The following ACACB variants were observed in gnomAD, a reference collection of about 807,000 sequenced individuals.
The protein encoded by ACACB is acetyl-CoA carboxylase beta, also known as acetyl-CoA carboxylase 2.
ACACB carries 209 observed loss-of-function variants against 278.8 expected under a neutral mutation model. That is an observed-to-expected ratio of 0.75 (90% CI 0.67 to 0.84). The LOEUF (loss-of-function observed/expected upper bound fraction) is 0.84. ACACB is among the 40% of genes least tolerant of loss of function. The pLI is 0.00. For missense variants in ACACB, 2,850 were observed against 3,269.0 expected (o/e 0.87, Z 3.13); for synonymous variants, 1,174 against 1,285.6 (o/e 0.91, Z 1.86).
intron 27 of ACACB, among the ~76,000 whole-genome samples, chr12:109,225,831 T>G (rs2046298698): frequency 6.6e-6 from 1 of 152,240 alleles, no homozygotes; most frequent in Non-Finnish European, 1.5e-5. Flanking sequence ...GATGTAGTAC[T>G]GTATGGAGAA....
rs142747417 is a variant in ACACB, at chr12:109,243,444, C to T, written c.5178+852C>T. On this transcript the variant is annotated intron_variant, in intron 37 of 52. Coordinates refer to ENST00000338432, the MANE Select transcript of ACACB (RefSeq NM_001093.4). ...TGAAACCCCATCTCTACTAAAAATACGAAAATTAACCAGGCGTAGTGGCAG... is the reference window on the plus strand; with the variant it reads ...TGAAACCCCATCTCTACTAAAAATATGAAAATTAACCAGGCGTAGTGGCAG... 3.5e-3 allele frequency among the ~76,000 whole-genome samples: 527 copies of T among 151,958 alleles called. 5 individuals carry two copies. The highest frequency in any genetic ancestry group is 0.012 in the African/African-American group (504 of 41,436).
At chr12:109,211,167 T>C (rs2045835332) in intron 21 of ACACB, among the ~76,000 whole-genome samples, 1 of 151,744 alleles carries the variant, frequency 6.6e-6, no homozygotes, top group Non-Finnish European at 1.5e-5. Flanking sequence ...ATTGGTGATT[T>C]GGGAAACCAG....
chr12:109,118,321 A>G (rs2042457270), intron 1 of ACACB, among the ~76,000 whole-genome samples: 1 of 152,086 alleles, frequency 6.6e-6, no homozygotes, highest in Admixed American at 6.6e-5. Flanking sequence ...ATTACATGAG[A>G]TACCCAGTCT....
intron 2 of ACACB, among the ~76,000 whole-genome samples, chr12:109,163,444 C>T (rs1317515072): frequency 3.9e-5 from 6 of 151,942 alleles, no homozygotes. Flanking sequence ...AACATGATAG[C>T]AGAAATGAAG....
At position 109,247,702 on chromosome 12, in the gene ACACB, A is replaced by T; in HGVS notation, c.5668A>T (p.Arg1890Ter). The change falls in exon 40 of 53, where the codon AGA (arginine) becomes TGA (stop). Residue 1890 changes from arginine to a stop codon, truncating the protein, a stop_gained and splice_region_variant. Transcript: ENST00000338432. LOFTEE classifies it high-confidence loss of function. ...CKHIEEGGES[R>*]YMITDIIGKD... ...ACACATCGAGGAAGGAGGAGAGTCC[A>T]GGTAAATAACTTATCAGGTAGCTCC... 6.2e-7 allele frequency: 1 copy of T among 1,611,226 alleles called. No homozygotes were observed. The highest frequency in any genetic ancestry group is 8.5e-7 in the Non-Finnish European group (1 of 1,177,792).
At chr12:109,222,740 C>A in intron 25 of ACACB, 59 bp from the exon 26 acceptor site, 2 of 1,559,096 alleles carry the variant, frequency 1.3e-6, no homozygotes, top group Non-Finnish European at 1.8e-6. Flanking sequence ...GTGCCCGAGC[C>A]TCTGCCTTCT....
intron 2 of ACACB, among the ~76,000 whole-genome samples, chr12:109,151,357 AAGGTAC>A (rs970465206): frequency 2.6e-4 from 40 of 152,286 alleles, no homozygotes; most frequent in African/African-American, 8.9e-4. Context: ...AAGTTAATAC[AAGGTAC>A]AGAGCAACTA....
chr12:109,135,015 CT>C (rs2042932278), intron 1 of ACACB, among the ~76,000 whole-genome samples: 1 of 152,142 alleles, frequency 6.6e-6, no homozygotes, highest in South Asian at 2.1e-4. Context: ...GTTTTCAATT[CT>C]TTTGGGATAT....
intron 37 of ACACB, among the ~76,000 whole-genome samples, chr12:109,242,976 GAAC>G (rs967341159): frequency 2.0e-5 from 3 of 151,960 alleles, no homozygotes; most frequent in Non-Finnish European, 4.4e-5. Flanking sequence ...CAAAAAAAAA[GAAC>G]AAGGTCTGCA....
chr12:109,241,547 C>T (rs529259662), intron 36 of ACACB: 1 of 434,728 alleles, frequency 2.3e-6, no homozygotes, highest in East Asian at 4.5e-5. Flanking sequence ...AAGGTGTCAC[C>T]ATATTGGCCA....
intron 1 of ACACB, among the ~76,000 whole-genome samples, chr12:109,127,922 A>G (rs2042721341): frequency 1.3e-5 from 2 of 152,170 alleles, no homozygotes; most frequent in Non-Finnish European, 2.9e-5. Context: ...CCTTCACAAC[A>G]TAGCTGATTT....
chr12:109,125,986 C>T lies in ACACB; in HGVS notation c.-10+9282C>T, dbSNP rs537173646. On this transcript the variant is annotated intron_variant, in intron 1 of 52. Transcript: ENST00000338432. ...GCTTCCCAGTGAGATCATAAACCCA[C>T]GAGGGCAGGGCTGGGCCATTCCTGC... Among the ~76,000 whole-genome samples the T allele has an allele frequency of 3.9e-5, 6 of 152,292 alleles. No individual in the cohort carries two copies. The South Asian group carries it at 6.2e-4, about 16-fold the overall frequency.
At chr12:109,161,591 C>T (rs961085919) in intron 2 of ACACB, among the ~76,000 whole-genome samples, 2 of 151,794 alleles carry the variant, frequency 1.3e-5, no homozygotes. Context: ...TCAAAAGACA[C>T]CTGTACTTGT....
rs1565925314 is a variant in ACACB, at chr12:109,209,940, C to CACACAT, written c.3249+592_3249+593insTACACA. 2.7e-5 allele frequency among the ~76,000 whole-genome samples: 2 copies of CACACAT among 75,302 alleles called. 1 individual carries two copies. Among genetic ancestry groups the CACACAT allele is most frequent in the Non-Finnish European group, 5.3e-5 (2 of 37,546 alleles). The allele number at this position is 75,302 out of a possible 152,430, so 49.4% of individuals were successfully genotyped here. A position where few individuals can be genotyped will look rare whatever the true frequency, so the allele number is the denominator to read the frequency against. ...GTGTATATATGTGTATACACACATA[C>CACACAT]ACACACGTGTGTGTATATATGTGTA... On this transcript the variant is annotated intron_variant, in intron 21 of 52. Coordinates refer to ENST00000338432, the MANE Select transcript of ACACB (RefSeq NM_001093.4).
chr12:109,209,487 G>T, intron 21 of ACACB, 134 bp downstream of exon 21: 1 of 891,146 alleles, frequency 1.1e-6, no homozygotes, highest in Non-Finnish European at 1.7e-6. Flanking sequence ...ATCAGGGGCC[G>T]AGGGTTTCCT....
chr12:109,216,592 T>G, intron 22 of ACACB, 26 bp from the exon 23 acceptor site: 1 of 1,609,670 alleles, frequency 6.2e-7, no homozygotes, highest in Non-Finnish European at 8.5e-7. Flanking sequence ...GTGTGAGCAT[T>G]AAGAGCAGCC....
At chr12:109,212,627 A>G (rs2045882254) in intron 21 of ACACB, among the ~76,000 whole-genome samples, 1 of 152,210 alleles carries the variant, frequency 6.6e-6, no homozygotes, top group South Asian at 2.1e-4. Context: ...GGTGGAGCTC[A>G]GATGGTAATG....
In ACACB at chr12:109,180,084, A is replaced by G. The variant is rs1200714292; in HGVS notation, c.1815A>G (p.Leu605=). Residue 605 remains leucine, a synonymous_variant, in exon 11 of 53, where the codon CTA becomes CTG. Coordinates refer to ENST00000338432, the MANE Select transcript of ACACB (RefSeq NM_001093.4). ...IADVNLPAAQ[L]QIAMGVPLHR... Reference sequence around the variant, plus strand: ...ATGTTAATCTGCCGGCCGCCCAGCTACAGGTGAGAAAATGGGCTTGGGGCC... The same window carrying G: ...ATGTTAATCTGCCGGCCGCCCAGCTGCAGGTGAGAAAATGGGCTTGGGGCC... 3 of 1,610,064 alleles carry G rather than the reference A, an allele frequency of 1.9e-6. No individual in the cohort carries two copies. The highest frequency in any genetic ancestry group is 2.7e-5 in the African/African-American group (2 of 74,960).
In ACACB at chr12:109,167,882, G is replaced by A. The variant is rs1346827518; in HGVS notation, c.787-14G>A. The A allele has an allele frequency of 1.9e-6, 3 of 1,613,818 alleles. No individual in the cohort carries two copies. The highest frequency in any genetic ancestry group is 4.5e-5 in the East Asian group (2 of 44,838). On this transcript the variant is annotated splice_polypyrimidine_tract_variant and intron_variant, in intron 3 of 52. Coordinates refer to ENST00000338432, the MANE Select transcript of ACACB (RefSeq NM_001093.4). Reference sequence around the variant, plus strand: ...GATGTGCATCTACAGCTCCTTCCTTGTCTTCCCATGCAGGTGCTTATTGCC... The same window carrying A: ...GATGTGCATCTACAGCTCCTTCCTTATCTTCCCATGCAGGTGCTTATTGCC...
Sources: gnomAD v4.1 joint callset for allele counts (sites outside exome capture counted in the v4.1 genomes callset) on GRCh38, gnomAD v4.1.1 for gene constraint, MANE v1.5 for transcripts, NCBI Gene and HGNC (gene_info 2026-07-23, HGNC 2026-07-21) for gene names.